The following BAIAP2 variants were observed in gnomAD, a reference collection of about 807,000 sequenced individuals.
BAIAP2 encodes the protein BAR/IMD domain-containing adapter protein 2.
A neutral mutation model predicts 63.0 loss-of-function variants in BAIAP2; 18 were observed. The observed-to-expected ratio is 0.29, with a 90% CI of 0.20 to 0.42. BAIAP2 has a LOEUF of 0.42. BAIAP2 is among the 10% of genes least tolerant of loss of function. BAIAP2 has a pLI of 1.00. For missense variants in BAIAP2, 610 were observed against 734.3 expected (o/e 0.83, Z 1.96); for synonymous variants, 386 against 307.6 (o/e 1.25, Z -2.67).
intron 7 of BAIAP2, among the ~76,000 whole-genome samples, 184 bp downstream of exon 7, chr17:81,100,264 A>G (rs2058308511): frequency 6.6e-6 from 1 of 152,166 alleles, no homozygotes; most frequent in Non-Finnish European, 1.5e-5. Context: ...GGGTGCAGGC[A>G]TTTTGAAGAC....
chr17:81,086,109 G>GGC (rs1011874773), intron 5 of BAIAP2, among the ~76,000 whole-genome samples: 6 of 152,092 alleles, frequency 3.9e-5, no homozygotes, highest in African/African-American at 1.4e-4. Flanking sequence ...TTGGGGCTGA[G>GGC]GCACTGCTTG....
At chr17:81,085,894 T>C (rs56202200) in intron 5 of BAIAP2, among the ~76,000 whole-genome samples, 169 bp downstream of exon 5, 34,327 of 152,240 alleles carry the variant, frequency 0.23, 4,305 homozygotes, top group East Asian at 0.49. Context: ...GCCCCTGGTG[T>C]GCCCCAAATG....
In BAIAP2 at chr17:81,104,710, C is replaced by T. The variant is rs1164996248; in HGVS notation, c.1263C>T (p.Thr421=). 7 of 1,579,770 alleles carry T rather than the reference C, an allele frequency of 4.4e-6. No homozygotes were observed. Among genetic ancestry groups the T allele is most frequent in the East Asian group, 2.3e-5 (1 of 43,058 alleles). The change falls in exon 10 of 14, where the codon ACC becomes ACT. Residue 421 remains threonine (T), a synonymous_variant. Transcript: ENST00000428708. Reference sequence around the variant, plus strand: ...GGCACTACGGAGAGAGTGAGAAGACCAAGATGTGAGTGTTTCTCGGGGGCG... The same window carrying T: ...GGCACTACGGAGAGAGTGAGAAGACTAAGATGTGAGTGTTTCTCGGGGGCG... The part of the protein sequence containing the change: ...DGWHYGESEK[T]KMRGWFPFSY...
At chr17:81,036,720 C>T in intron 1 of BAIAP2, 1 of 703,174 alleles carries the variant, frequency 1.4e-6, no homozygotes, top group East Asian at 2.7e-5. Flanking sequence ...AGGCACAGGC[C>T]CTGGGGTTGT....
At position 81,090,613 on chromosome 17, in the gene BAIAP2, G is replaced by A. The variant is rs2056556603; in HGVS notation, c.489+4033G>A. ...GAAACAGAGGGAGCCACACCCCGGT[G>A]TGCTTTCTGCTCCCCAGTGGCCTGG... On this transcript the variant is annotated intron_variant, in intron 6 of 13. Transcript: ENST00000428708. 5.2e-5 allele frequency among the ~76,000 whole-genome samples: 8 copies of A among 152,386 alleles called. No homozygotes were observed. The South Asian group carries it at 1.0e-3, about 20-fold the overall frequency.
chr17:81,063,443 C>T lies in BAIAP2; in HGVS notation c.217+5476C>T, dbSNP rs1223466760. On this transcript the variant is annotated intron_variant, in intron 3 of 13. Coordinates refer to ENST00000428708, the MANE Select transcript of BAIAP2 (RefSeq NM_001144888.2). ...TCCTCCTCGGTGAGCAGTTGAGTTA[C>T]CCCTGGTGAGTTTTTCTGGATGAGC... 2.6e-5 allele frequency among the ~76,000 whole-genome samples: 4 copies of T among 152,360 alleles called. 1 individual carries two copies. The highest frequency in any genetic ancestry group is 4.8e-5 in the African/African-American group (2 of 41,588).
chr17:81,061,279 T>C (rs1266253411), intron 3 of BAIAP2, among the ~76,000 whole-genome samples: 1 of 152,256 alleles, frequency 6.6e-6, no homozygotes, highest in Non-Finnish European at 1.5e-5. Context: ...TTTTCATGGC[T>C]AAGGCAGACG....
In BAIAP2 at chr17:81,055,569, G is replaced by GGTTTTTTTTTTTTTTTTTTTTTTTTTTT. The variant is rs138656369; in HGVS notation, c.130+1826_130+1827insGTTTTTTTTTTTTTTTTTTTTTTTTTTT. 4.5e-3 allele frequency among the ~76,000 whole-genome samples: 424 copies of GGTTTTTTTTTTTTTTTTTTTTTTTTTTT among 93,508 alleles called. 52 individuals carry two copies. The highest frequency in any genetic ancestry group is 0.01 in the South Asian group (25 of 2,388). 61.3% of individuals were successfully genotyped at this position (93,508 alleles called of 152,430 possible). ...TTCCTCCAGCGAAAGTCTGCAGGGT[G>GGTTTTTTTTTTTTTTTTTTTTTTTTTTT]TTTTGTTTTTTTTTGAGACGGAGTC... is the stretch of plus-strand genomic sequence containing the variant. On this transcript the variant is annotated intron_variant, in intron 2 of 13. Coordinates refer to ENST00000428708, the MANE Select transcript of BAIAP2 (RefSeq NM_001144888.2).
At position 81,110,800 on chromosome 17, in the gene BAIAP2, G is replaced by A. The variant is rs528988758; in HGVS notation, c.1535+2291G>A. Reference sequence around the variant, plus strand: ...AGAGCCCCAGCTGTGTGCCGACTCCGAGTGCTCCAGGGTTCTAGGTCTCCT... The same window carrying A: ...AGAGCCCCAGCTGTGTGCCGACTCCAAGTGCTCCAGGGTTCTAGGTCTCCT... On this transcript the variant is annotated intron_variant, in intron 13 of 13. Coordinates refer to ENST00000428708, the MANE Select transcript of BAIAP2 (RefSeq NM_001144888.2). 1.8e-4 allele frequency: 248 copies of A among 1,402,536 alleles called. 1 individual carries two copies. The East Asian group carries it at 3.5e-3, about 20-fold the overall frequency. 86.9% of individuals were successfully genotyped at this position (1,402,536 alleles called of 1,614,324 possible).
In BAIAP2 at chr17:81,053,675, T is replaced by C; in HGVS notation, c.62T>C (p.Met21Thr). 1.9e-6 allele frequency: 3 copies of C among 1,614,156 alleles called. No individual in the cohort carries two copies. Among genetic ancestry groups the C allele is most frequent in the Non-Finnish European group, 2.5e-6 (3 of 1,179,988 alleles). Residue 21 changes from methionine (M) to threonine (T), a missense_variant, in exon 2 of 14, where the codon ATG becomes ACG. Physicochemically the swap from Met to Thr is moderately conservative, Grantham distance 81. Coordinates refer to ENST00000428708, the MANE Select transcript of BAIAP2 (RefSeq NM_001144888.2). ...RLTENVYKTI[M>T]EQFNPSLRNF... Reference sequence around the variant, plus strand: ...TTCTCTGCTTTCTTCCAGACCATCATGGAGCAGTTCAACCCTAGCCTCCGG... The same window carrying C: ...TTCTCTGCTTTCTTCCAGACCATCACGGAGCAGTTCAACCCTAGCCTCCGG...
intron 3 of BAIAP2, among the ~76,000 whole-genome samples, chr17:81,064,520 G>A (rs1049751680): frequency 4.6e-5 from 7 of 152,266 alleles, no homozygotes; most frequent in Non-Finnish European, 8.8e-5. Flanking sequence ...CCAGGTCTCC[G>A]GAGCCGGGAG....
chr17:81,114,934 T>C (rs903599670), intron 13 of BAIAP2, among the ~76,000 whole-genome samples: 1 of 152,206 alleles, frequency 6.6e-6, no homozygotes, highest in Non-Finnish European at 1.5e-5. Flanking sequence ...CAGAGCACAG[T>C]CCCGTCCCTG....
Position 81,048,443 on chromosome 17 carries a change from T to A in BAIAP2, c.55-5225T>A, listed in dbSNP as rs1411918698. Among the ~76,000 whole-genome samples, 4 of 150,170 alleles carry A rather than the reference T, an allele frequency of 2.7e-5. No homozygotes were observed. The East Asian group carries it at 7.9e-4, about 30-fold the overall frequency. Reference sequence around the variant, plus strand: ...CCCAGGAGTGGGCAGGAGAGCAAAGTCCTTTGGCAGAGGTCCTTTCTGTAA... The same window carrying A: ...CCCAGGAGTGGGCAGGAGAGCAAAGACCTTTGGCAGAGGTCCTTTCTGTAA... On this transcript the variant is annotated intron_variant, in intron 1 of 13. Coordinates refer to ENST00000428708, the MANE Select transcript of BAIAP2 (RefSeq NM_001144888.2).
At chr17:81,036,479 A>C (rs2046283946) in intron 1 of BAIAP2, among the ~76,000 whole-genome samples, 1 of 152,238 alleles carries the variant, frequency 6.6e-6, no homozygotes, top group African/African-American at 2.4e-5. Flanking sequence ...CTTAGCTCTC[A>C]GGCTTGGGAG....
Position 81,116,882 on chromosome 17 carries a change from G to A in BAIAP2, c.*1043G>A, listed in dbSNP as rs2060565074. 6.4e-6 allele frequency: 1 copy of A among 155,150 alleles called. No homozygotes were observed. Among genetic ancestry groups the A allele is most frequent in the Non-Finnish European group, 1.4e-5 (1 of 69,676 alleles). The allele number at this position is 155,150 out of a possible 1,614,324, so 9.6% of individuals were successfully genotyped here. ...CCGGGGACAGGAAGCTGTAGAGTTGGCGGGCCAGGAGGGCAGTTGAGAGCT... is the reference window on the plus strand; with the variant it reads ...CCGGGGACAGGAAGCTGTAGAGTTGACGGGCCAGGAGGGCAGTTGAGAGCT... On this transcript the variant is annotated 3_prime_UTR_variant, in exon 14 of 14. Transcript: ENST00000428708.
chr17:81,113,222 T>C (rs1425830713), intron 13 of BAIAP2, among the ~76,000 whole-genome samples: 1 of 152,178 alleles, frequency 6.6e-6, no homozygotes. Flanking sequence ...ACGCAGGCCC[T>C]CCTCAGGGTC....
chr17:81,114,176 C>T (rs576441737), intron 13 of BAIAP2, among the ~76,000 whole-genome samples: 52 of 144,562 alleles, frequency 3.6e-4, no homozygotes, highest in African/African-American at 1.3e-3. Context: ...GTACGCTTTG[C>T]TGCCCAGGCT....
At chr17:81,090,879 CCG>C (rs1228439121) in intron 6 of BAIAP2, among the ~76,000 whole-genome samples, 7 of 152,282 alleles carry the variant, frequency 4.6e-5, no homozygotes, top group African/African-American at 1.7e-4. Flanking sequence ...CTTTGCAAAC[CCG>C]GCCAGCGGGC....
At position 81,083,434 on chromosome 17, in the gene BAIAP2, G is replaced by C. The variant is rs554559315; in HGVS notation, c.218-1398G>C. 3.3e-5 allele frequency: 5 copies of C among 152,370 alleles called. No individual in the cohort carries two copies. In the East Asian group the frequency reaches 9.6e-4, roughly 29 times the overall value. The allele number at this position is 152,370 out of a possible 1,614,324, so 9.4% of individuals were successfully genotyped here. A position where few individuals can be genotyped will look rare whatever the true frequency, so the allele number is the denominator to read the frequency against. ...TCAGTGCCTGGCACTGGAAACAGTA[G>C]CTCAGCAAATATTTGTCCGTCAAAG... On this transcript the variant is annotated intron_variant, in intron 3 of 13. Transcript: ENST00000428708.
Sources: allele counts gnomAD v4.1 joint callset (sites outside exome capture counted in the v4.1 genomes callset), GRCh38; gene constraint gnomAD v4.1.1; transcripts MANE v1.5; gene names NCBI Gene and HGNC (gene_info 2026-07-23, HGNC 2026-07-21).